Variants in CYP7A1 observed in about 807,000 individuals in gnomAD.
The protein encoded by CYP7A1 is cytochrome P450 family 7 subfamily A member 1.
A neutral mutation model predicts 43.8 loss-of-function variants in CYP7A1; 28 were observed. That is an observed-to-expected ratio of 0.64 (90% CI 0.47 to 0.88). The LOEUF (loss-of-function observed/expected upper bound fraction) is 0.88, where lower values mean the gene tolerates loss of function less well. Ranked by LOEUF, CYP7A1 falls within the 40% of genes least tolerant of loss-of-function variation. CYP7A1 has a pLI of 0.00. For missense variants in CYP7A1, 637 were observed against 611.9 expected (o/e 1.04, Z -0.43); for synonymous variants, 227 against 222.5 (o/e 1.02, Z -0.18).
chr8:58,499,962 G>T, intron 1 of CYP7A1, 57 bp downstream of exon 1: 1 of 1,391,706 alleles, frequency 7.2e-7, no homozygotes, highest in Non-Finnish European at 1.0e-6. Context: ...TAAAAATGAA[G>T]GTAAAAAAAT....
Position 58,499,998 on chromosome 8 carries a change from TAAA to T in CYP7A1, c.80+18_80+20del. The T allele has an allele frequency of 1.3e-6, 2 of 1,592,870 alleles. No individual in the cohort carries two copies. The highest frequency in any genetic ancestry group is 1.7e-6 in the Non-Finnish European group (2 of 1,161,218). On this transcript the variant is annotated intron_variant, in intron 1 of 5. Transcript: ENST00000301645. ...TAAATGGATGAATCAAAGAGCAATT[TAAA>T]GATAAAACATTACTTACCTTCTCCT...
At chr8:58,494,353 A>C (rs1809405108) in intron 4 of CYP7A1, among the ~76,000 whole-genome samples, 153 bp downstream of exon 4, 1 of 152,230 alleles carries the variant, frequency 6.6e-6, no homozygotes, top group Non-Finnish European at 1.5e-5. Flanking sequence ...AACAGTCCCA[A>C]GTCACAGGAC....
chr8:58,492,016 A>G (rs1585640928), intron 5 of CYP7A1, among the ~76,000 whole-genome samples: 1 of 152,270 alleles, frequency 6.6e-6, no homozygotes, highest in East Asian at 1.9e-4. Flanking sequence ...AGCTAGAGAG[A>G]GAAGGGTTCC....
Position 58,491,633 on chromosome 8 carries a change from C to G in CYP7A1, c.1357G>C (p.Glu453Gln). The G allele has an allele frequency of 1.2e-6, 2 of 1,614,138 alleles. No homozygotes were observed. Among genetic ancestry groups the G allele is most frequent in the East Asian group, 2.2e-5 (1 of 44,882 alleles). The stretch of plus-strand genomic sequence containing the variant: ...ATCAGAATCAAAAATTGCTTGATTT[C>G]GTGGATAGCGAACAATCTTCCAGGA... Reference protein sequence around the residue: ...ICPGRLFAIHEIKQFLILMLS... With the variant: ...ICPGRLFAIHQIKQFLILMLS... Residue 453 changes from glutamate to glutamine, a missense_variant, in exon 6 of 6, where the codon GAA becomes CAA. By Grantham distance (29) the Glu-to-Gln change is conservative (BLOSUM62 2). Transcript: ENST00000301645.
At chr8:58,494,203 G>C (rs1368382280) in intron 4 of CYP7A1, among the ~76,000 whole-genome samples, 1 of 152,036 alleles carries the variant, frequency 6.6e-6, no homozygotes, top group Non-Finnish European at 1.5e-5. Context: ...TTAGTGGTAA[G>C]AGGAATATGA....
Position 58,491,241 on chromosome 8 carries a change from G to A in CYP7A1, c.*234C>T. 1.8e-6 allele frequency: 1 copy of A among 553,736 alleles called. No homozygotes were observed. The highest frequency in any genetic ancestry group is 4.8e-4 in the Middle Eastern group (1 of 2,078). 34.3% of individuals were successfully genotyped at this position (553,736 alleles called of 1,614,324 possible). On this transcript the variant is annotated 3_prime_UTR_variant, in exon 6 of 6. Coordinates refer to ENST00000301645, the MANE Select transcript of CYP7A1 (RefSeq NM_000780.4). ...TGAACATTCATGGACTTATACAAAT[G>A]AAAACAAATTATTGTGCTCCTAGAA...
chr8:58,493,824 AC>A (rs1809395848), intron 4 of CYP7A1, among the ~76,000 whole-genome samples: 1 of 152,026 alleles, frequency 6.6e-6, no homozygotes, highest in African/African-American at 2.4e-5. Context: ...ACATGGTGAA[AC>A]CCCGTCTCTA....
rs1585639785 is a variant in CYP7A1 at position 58,490,203 on chromosome 8, G to A, written c.*1272C>T. ...TAGATTCATACTTTTATTTCTGAAAGATGAATCATTTCAAAATTATCAAAT... is the reference window on the plus strand; with the variant it reads ...TAGATTCATACTTTTATTTCTGAAAAATGAATCATTTCAAAATTATCAAAT... On this transcript the variant is annotated 3_prime_UTR_variant, in exon 6 of 6. Transcript: ENST00000301645. 6.6e-6 allele frequency: 1 copy of A among 151,938 alleles called. No homozygotes were observed. The highest frequency in any genetic ancestry group is 6.6e-5 in the Admixed American group (1 of 15,238). The allele number at this position is 151,938 out of a possible 1,614,324, so 9.4% of individuals were successfully genotyped here.
In CYP7A1 at chr8:58,494,634, T is replaced by A; in HGVS notation, c.911A>T (p.Asn304Ile). The change falls in exon 4 of 6, where the codon AAC becomes ATC. Residue 304 changes from asparagine to isoleucine, a missense_variant and splice_region_variant. Physicochemically the swap from Asn to Ile is moderately radical, Grantham distance 149 (BLOSUM62 -3). Coordinates refer to ENST00000301645, the MANE Select transcript of CYP7A1 (RefSeq NM_000780.4). ...TFWSLFQMIRNPEAMKAATEE... is the reference protein window; with the variant it reads ...TFWSLFQMIRIPEAMKAATEE... Reference sequence around the variant, plus strand: ...AGTAGCTGCTTTCATTGCTTCTGGGTTCCTATTAAAAGGTAAGAGAAAACA... The same window carrying A: ...AGTAGCTGCTTTCATTGCTTCTGGGATCCTATTAAAAGGTAAGAGAAAACA... 6.2e-7 allele frequency: 1 copy of A among 1,613,890 alleles called. No individual in the cohort carries two copies. Among genetic ancestry groups the A allele is most frequent in the Non-Finnish European group, 8.5e-7 (1 of 1,179,920 alleles).
chr8:58,495,086 A>G (rs1302120285), intron 3 of CYP7A1, among the ~76,000 whole-genome samples: 1 of 151,220 alleles, frequency 6.6e-6, no homozygotes, highest in Non-Finnish European at 1.5e-5. Flanking sequence ...GTGAGCCATG[A>G]TCGTGCCACT....
chr8:58,499,034 A>G (rs1028526438), intron 1 of CYP7A1, among the ~76,000 whole-genome samples: 6 of 152,220 alleles, frequency 3.9e-5, no homozygotes, highest in African/African-American at 1.4e-4. Context: ...TTATTATAAA[A>G]TGAAATTGAG....
Position 58,490,393 on chromosome 8 carries a change from GT to G in CYP7A1, c.*1081del, listed in dbSNP as rs1809331778. ...GCATTTAAACACTCGAGTCACCTTA[GT>G]TTTTTTCATCTGCAAGTCATTTAGC... On this transcript the variant is annotated 3_prime_UTR_variant, in exon 6 of 6. Transcript: ENST00000301645. The G allele has an allele frequency of 1.3e-5, 2 of 152,112 alleles. No homozygotes were observed. The highest frequency in any genetic ancestry group is 1.9e-4 in the East Asian group (1 of 5,180). The allele number at this position is 152,112 out of a possible 1,614,324, so 9.4% of individuals were successfully genotyped here.
intron 3 of CYP7A1, among the ~76,000 whole-genome samples, chr8:58,494,924 A>G (rs1190190977): frequency 1.3e-5 from 2 of 152,068 alleles, no homozygotes; most frequent in African/African-American, 4.8e-5. Flanking sequence ...TCATGAGGTC[A>G]GGAGTTTGAG....
chr8:58,498,961 A>C (rs1334656156), intron 1 of CYP7A1, among the ~76,000 whole-genome samples: 1 of 152,224 alleles, frequency 6.6e-6, no homozygotes. Flanking sequence ...TAGTTTAAAG[A>C]TATCTATATT....
chr8:58,498,757 T>C (rs1337841864), intron 1 of CYP7A1, among the ~76,000 whole-genome samples: 1 of 152,230 alleles, frequency 6.6e-6, no homozygotes, highest in Non-Finnish European at 1.5e-5. Context: ...TTCCCAGTGA[T>C]ACAGGCAAAA....
At chr8:58,499,203 A>C (rs1406373709) in intron 1 of CYP7A1, among the ~76,000 whole-genome samples, 1 of 152,242 alleles carries the variant, frequency 6.6e-6, no homozygotes, top group Non-Finnish European at 1.5e-5. Context: ...TTTGAAGATA[A>C]GTAGTTTAAT....
rs750439546 is a variant in CYP7A1 at position 58,494,516 on chromosome 8, C to A, written c.1029G>T (p.Leu343=). 1.9e-6 allele frequency: 3 copies of A among 1,614,018 alleles called. No homozygotes were observed. Among genetic ancestry groups the A allele is most frequent in the Non-Finnish European group, 2.5e-6 (3 of 1,179,932 alleles). The change falls in exon 4 of 6, where the codon CTG becomes CTT. Residue 343 remains leucine (L), a synonymous_variant. Transcript: ENST00000301645. ...AACAAGTATACCCACCTAATACTGGCAGGTCATTCAGTTCTGCTTGACTCA... is the reference window on the plus strand; with the variant it reads ...AACAAGTATACCCACCTAATACTGGAAGGTCATTCAGTTCTGCTTGACTCA... The part of the protein sequence containing the change: ...ICLSQAELND[L]PVLDSIIKES...
intron 3 of CYP7A1, among the ~76,000 whole-genome samples, chr8:58,496,047 CCTAG>C (rs1809437888): frequency 2.0e-5 from 3 of 152,100 alleles, no homozygotes; most frequent in Admixed American, 2.0e-4. Flanking sequence ...AAAAGCACAA[CCTAG>C]CTAAGTCTCT....
Position 58,494,544 on chromosome 8 carries a change from C to T in CYP7A1, c.1001G>A (p.Cys334Tyr), listed in dbSNP as rs1809408634. 19 of 1,614,012 alleles carry T rather than the reference C, an allele frequency of 1.2e-5. No individual in the cohort carries two copies. The highest frequency in any genetic ancestry group is 1.4e-5 in the Non-Finnish European group (17 of 1,180,014). The change falls in exon 4 of 6, where the codon TGT (cysteine) becomes TAT (tyrosine). Residue 334 changes from cysteine (C) to tyrosine (Y), a missense_variant. By Grantham distance (194) the Cys-to-Tyr change is radical. Coordinates refer to ENST00000301645, the MANE Select transcript of CYP7A1 (RefSeq NM_000780.4). ...GTCATTCAGTTCTGCTTGACTCAAA[C>T]AAATAGGATTGCCTTCCAAGCTGAC... is the stretch of plus-strand genomic sequence containing the variant. ...QKVSLEGNPI[C>Y]LSQAELNDLP...
Sources: gnomAD v4.1 joint callset for allele counts (sites outside exome capture counted in the v4.1 genomes callset) on GRCh38, gnomAD v4.1.1 for gene constraint, MANE v1.5 for transcripts, NCBI Gene and HGNC (gene_info 2026-07-23, HGNC 2026-07-21) for gene names.